Variants in ZNF423 observed in about 807,000 individuals in gnomAD.
ZNF423 encodes the protein Ebf-associated zinc finger protein.
Under a neutral mutation model 95.8 loss-of-function variants are expected in ZNF423, and 12 were observed. The ratio of observed to expected loss-of-function variants is 0.13; its 90% CI spans 0.08 to 0.20. The LOEUF (loss-of-function observed/expected upper bound fraction) is 0.20. Ranked by LOEUF, ZNF423 falls within the 10% of genes least tolerant of loss-of-function variation. The probability of loss-of-function intolerance (pLI) is 1.00; values close to 1 mark genes in which losing one functional copy is unlikely to be tolerated. For missense variants in ZNF423, 1,316 were observed against 1,737.1 expected (o/e 0.76, Z 4.31); for synonymous variants, 749 against 711.9 (o/e 1.05, Z -0.83).
At chr16:49,733,062 T>A (rs916597061) in intron 2 of ZNF423, among the ~76,000 whole-genome samples, 14 of 152,192 alleles carry the variant, frequency 9.2e-5, no homozygotes, top group Admixed American at 1.3e-4. Flanking sequence ...TCTCAGGGAA[T>A]CTGATCTGCC....
intron 5 of ZNF423, among the ~76,000 whole-genome samples, chr16:49,568,560 G>A (rs1173400275): frequency 6.6e-6 from 1 of 152,180 alleles, no homozygotes; most frequent in Non-Finnish European, 1.5e-5. Context: ...CTCCCATGGA[G>A]GGCTTTTGTC....
At chr16:49,808,677 C>T (rs1436124689) in intron 1 of ZNF423, among the ~76,000 whole-genome samples, 1 of 152,140 alleles carries the variant, frequency 6.6e-6, no homozygotes, top group East Asian at 1.9e-4. Flanking sequence ...GGGCGGGGGA[C>T]ATGCTGGCTA....
intron 1 of ZNF423, among the ~76,000 whole-genome samples, chr16:49,816,391 T>C (rs184390982): frequency 6.0e-4 from 91 of 152,316 alleles, no homozygotes; most frequent in African/African-American, 2.1e-3. Flanking sequence ...GCTTGGAAAG[T>C]ACTTTTCCCT....
intron 5 of ZNF423, among the ~76,000 whole-genome samples, chr16:49,567,221 C>T (rs1173565518): frequency 6.6e-6 from 1 of 152,206 alleles, no homozygotes. Flanking sequence ...AACCTCCCCA[C>T]CTGTGAAGCT....
intron 5 of ZNF423, among the ~76,000 whole-genome samples, chr16:49,595,033 T>C (rs2151822396): frequency 6.6e-6 from 1 of 152,202 alleles, no homozygotes; most frequent in Middle Eastern, 3.4e-3. Flanking sequence ...CTTAAATTCC[T>C]CTCCACCCCA....
intron 5 of ZNF423, among the ~76,000 whole-genome samples, chr16:49,583,317 AT>A (rs1970729306): frequency 6.6e-6 from 1 of 152,232 alleles, no homozygotes; most frequent in Non-Finnish European, 1.5e-5. Flanking sequence ...GGACACTGAC[AT>A]TTGGGTTTTC....
At chr16:49,627,094 A>AT in intron 4 of ZNF423, among the ~76,000 whole-genome samples, 1 of 119,772 alleles carries the variant, frequency 8.3e-6, no homozygotes, top group South Asian at 4.0e-4. Context: ...CCATCTACAT[A>AT]ATACCCACCC....
chr16:49,762,398 C>A (rs1002601540), intron 2 of ZNF423, among the ~76,000 whole-genome samples: 1 of 152,288 alleles, frequency 6.6e-6, no homozygotes, highest in Middle Eastern at 3.4e-3. Flanking sequence ...AGACAGAATG[C>A]CCCACACAGA....
intron 4 of ZNF423, among the ~76,000 whole-genome samples, chr16:49,626,891 C>T (rs1455555403): frequency 7.3e-6 from 1 of 136,114 alleles, no homozygotes; most frequent in Admixed American, 7.2e-5. Context: ...ATAATACCCA[C>T]CCATCCTCCA....
At chr16:49,844,238 C>G (rs756264234) in intron 1 of ZNF423, among the ~76,000 whole-genome samples, 4 of 152,024 alleles carry the variant, frequency 2.6e-5, no homozygotes, top group African/African-American at 9.7e-5. Flanking sequence ...GCTATGATAA[C>G]ATCAATGTAC....
chr16:49,528,939 C>T (rs1173349024), intron 5 of ZNF423, among the ~76,000 whole-genome samples: 1 of 152,058 alleles, frequency 6.6e-6, no homozygotes, highest in Admixed American at 6.6e-5. Context: ...CCCCAAGATG[C>T]AGGGTCCGCC....
At chr16:49,659,262 A>AT (rs1356648968) in intron 3 of ZNF423, among the ~76,000 whole-genome samples, 3 of 152,004 alleles carry the variant, frequency 2.0e-5, no homozygotes, top group Middle Eastern at 3.4e-3. Context: ...AATTTTTTAT[A>AT]TTTTTTTGTA....
chr16:49,812,073 G>C (rs995050908), intron 1 of ZNF423, among the ~76,000 whole-genome samples: 5 of 152,210 alleles, frequency 3.3e-5, no homozygotes, highest in Admixed American at 6.5e-5. Flanking sequence ...ACTAGGCGGG[G>C]TGCTCCACAC....
At chr16:49,647,890 A>C (rs889153701) in intron 3 of ZNF423, among the ~76,000 whole-genome samples, 1 of 152,228 alleles carries the variant, frequency 6.6e-6, no homozygotes, top group African/African-American at 2.4e-5. Context: ...GTGGGGTGCT[A>C]TGAGAACAAA....
intron 5 of ZNF423, among the ~76,000 whole-genome samples, chr16:49,622,796 A>G (rs923314552): frequency 2.6e-5 from 4 of 152,206 alleles, no homozygotes; most frequent in African/African-American, 9.6e-5. Context: ...CATCTGTCAG[A>G]TGGGGAACTA....
At chr16:49,676,221 G>A (rs1197302793) in intron 3 of ZNF423, among the ~76,000 whole-genome samples, 1 of 152,256 alleles carries the variant, frequency 6.6e-6, no homozygotes, top group Non-Finnish European at 1.5e-5. Flanking sequence ...TGGAGGCGCA[G>A]CTCTGCCCTT....
At chr16:49,681,598 C>T (rs1018706940) in intron 3 of ZNF423, among the ~76,000 whole-genome samples, 13 of 152,190 alleles carry the variant, frequency 8.5e-5, no homozygotes, top group South Asian at 6.2e-4. Flanking sequence ...CGTTTCACCA[C>T]GATATCAGGG....
At chr16:49,831,297 CTCTT>C (rs1221155360) in intron 1 of ZNF423, among the ~76,000 whole-genome samples, 1 of 152,126 alleles carries the variant, frequency 6.6e-6, no homozygotes, top group Non-Finnish European at 1.5e-5. Context: ...TTGTAAATCT[CTCTT>C]TACTTATTTT....
At position 49,543,674 on chromosome 16, in the gene ZNF423, T is replaced by A. The variant is rs547300274; in HGVS notation, c.3602-18180A>T. ...CGGGGGCAGCGTGGAACCCATCAGC[T>A]TCCCCGCCAAGGACAGCTCAGCCCT... On this transcript the variant is annotated intron_variant, in intron 5 of 7. Coordinates refer to ENST00000563137, the MANE Select transcript of ZNF423 (RefSeq NM_001379286.1). 3.3e-5 allele frequency among the ~76,000 whole-genome samples: 5 copies of A among 152,294 alleles called. No individual in the cohort carries two copies. The South Asian group carries it at 1.0e-3, about 32-fold the overall frequency.
Sources: allele counts gnomAD v4.1 joint callset (sites outside exome capture counted in the v4.1 genomes callset), GRCh38; gene constraint gnomAD v4.1.1; transcripts MANE v1.5; gene names NCBI Gene and HGNC (gene_info 2026-07-23, HGNC 2026-07-21).